MAGI2: variants seen among roughly 807,000 people sequenced by gnomAD.
The protein encoded by MAGI2 is membrane associated guanylate kinase, WW and PDZ domain containing 2.
MAGI2 carries 35 observed loss-of-function variants against 133.3 expected under a neutral mutation model. That is an observed-to-expected ratio of 0.26 (90% CI 0.20 to 0.35). MAGI2 has a LOEUF of 0.35. Among genes scored for constraint, MAGI2 ranks in the 10% least tolerant of loss-of-function variants. The pLI is 1.00. For synonymous variants in MAGI2, 729 were observed against 710.6 expected (o/e 1.03, Z -0.41); for missense variants, 1,636 against 1,863.4 (o/e 0.88, Z 2.25).
At chr7:78,239,125 A>G (rs1295755595) in intron 10 of MAGI2, among the ~76,000 whole-genome samples, 2 of 152,178 alleles carry the variant, frequency 1.3e-5, no homozygotes, top group East Asian at 3.9e-4. Context: ...TTTCTAAAGG[A>G]GAACTGTCTG....
chr7:78,329,815 C>A (rs1788985625), intron 9 of MAGI2, among the ~76,000 whole-genome samples: 1 of 152,148 alleles, frequency 6.6e-6, no homozygotes, highest in South Asian at 2.1e-4. Flanking sequence ...TGGCACCTAG[C>A]CCAATTTTAG....
intron 6 of MAGI2, among the ~76,000 whole-genome samples, chr7:78,428,049 G>GA (rs201534697): frequency 0.015 from 2,312 of 152,228 alleles, 59 homozygotes; most frequent in African/African-American, 0.051. Flanking sequence ...TTTATTCCCA[G>GA]AAAACAGGAA....
chr7:78,711,225 G>A (rs2151176195), intron 2 of MAGI2, among the ~76,000 whole-genome samples: 1 of 152,258 alleles, frequency 6.6e-6, no homozygotes, highest in South Asian at 2.1e-4. Context: ...TCTGGACTGT[G>A]CTGGCATCAG....
chr7:78,231,602 G>A (rs1049851108), intron 10 of MAGI2, among the ~76,000 whole-genome samples: 5 of 152,080 alleles, frequency 3.3e-5, no homozygotes, highest in African/African-American at 1.2e-4. Flanking sequence ...CAAATATGGC[G>A]ACTTCTTCCA....
chr7:78,233,663 T>C (rs1292173389), intron 10 of MAGI2, among the ~76,000 whole-genome samples: 2 of 152,004 alleles, frequency 1.3e-5, no homozygotes, highest in Non-Finnish European at 2.9e-5. Context: ...TCTTAAAGAA[T>C]GGGATAAATT....
chr7:78,527,151 T>C (rs1325560181), intron 3 of MAGI2, among the ~76,000 whole-genome samples: 2 of 151,972 alleles, frequency 1.3e-5, no homozygotes, highest in African/African-American at 4.8e-5. Flanking sequence ...CACAGGACAG[T>C]CACACAATTT....
At chr7:78,938,905 T>C (rs1344757293) in intron 2 of MAGI2, among the ~76,000 whole-genome samples, 1 of 152,182 alleles carries the variant, frequency 6.6e-6, no homozygotes, top group Non-Finnish European at 1.5e-5. Flanking sequence ...GTCTTTAAAA[T>C]TTTTTGGAGA....
chr7:78,714,315 T>C (rs1819497191), intron 2 of MAGI2, among the ~76,000 whole-genome samples: 1 of 152,208 alleles, frequency 6.6e-6, no homozygotes, highest in Non-Finnish European at 1.5e-5. Flanking sequence ...TGCTTTACTT[T>C]GTAAGCATTT....
intron 6 of MAGI2, among the ~76,000 whole-genome samples, chr7:78,430,830 C>G (rs564978087): frequency 6.6e-6 from 1 of 151,984 alleles, no homozygotes; most frequent in Non-Finnish European, 1.5e-5. Flanking sequence ...CAGTTAACAC[C>G]GCAAAGGGAT....
chr7:78,835,106 T>G (rs1791500541), intron 2 of MAGI2, among the ~76,000 whole-genome samples: 1 of 152,140 alleles, frequency 6.6e-6, no homozygotes, highest in Non-Finnish European at 1.5e-5. Flanking sequence ...AGAAGTGAAA[T>G]TGCTAGGTCA....
chr7:78,353,138 T>C (rs552867772), intron 7 of MAGI2, among the ~76,000 whole-genome samples: 1 of 152,354 alleles, frequency 6.6e-6, no homozygotes, highest in East Asian at 1.9e-4. Context: ...CTTTTGCTTC[T>C]AGATTGAGTG....
At chr7:79,097,229 G>C (rs1817592312) in intron 1 of MAGI2, among the ~76,000 whole-genome samples, 1 of 152,128 alleles carries the variant, frequency 6.6e-6, no homozygotes, top group African/African-American at 2.4e-5. Context: ...CTGAGACATA[G>C]ACATATCAAG....
intron 3 of MAGI2, among the ~76,000 whole-genome samples, chr7:78,559,624 G>A (rs1800208592): frequency 6.6e-6 from 1 of 152,076 alleles, no homozygotes; most frequent in South Asian, 2.1e-4. Flanking sequence ...AACCCACAGA[G>A]TAGAAAAAAT....
intron 21 of MAGI2, among the ~76,000 whole-genome samples, chr7:78,042,637 T>C (rs114130982): frequency 2.6e-5 from 4 of 152,350 alleles, no homozygotes; most frequent in South Asian, 2.1e-4. Context: ...ACCTACCTCA[T>C]AGTTGTTGTG....
intron 1 of MAGI2, among the ~76,000 whole-genome samples, chr7:79,408,709 T>C (rs181661997): frequency 9.2e-5 from 14 of 152,130 alleles, no homozygotes; most frequent in East Asian, 3.9e-4. Context: ...GTGGAAGATT[T>C]TGGATGGCGT....
chr7:78,654,800 T>C (rs192599907), intron 2 of MAGI2, among the ~76,000 whole-genome samples: 5 of 150,000 alleles, frequency 3.3e-5, no homozygotes, highest in Admixed American at 2.0e-4. Context: ...GAGATTTTAA[T>C]AACATTTGTA....
chr7:78,552,496 C>G (rs1799436597), intron 3 of MAGI2, among the ~76,000 whole-genome samples: 1 of 152,080 alleles, frequency 6.6e-6, no homozygotes, highest in African/African-American at 2.4e-5. Flanking sequence ...TTCCTTTTAA[C>G]TCAGAAATAC....
At chr7:78,916,657 G>A (rs535377929) in intron 2 of MAGI2, among the ~76,000 whole-genome samples, 1 of 152,198 alleles carries the variant, frequency 6.6e-6, no homozygotes, top group African/African-American at 2.4e-5. Context: ...AAAGGATGGA[G>A]TAAAGTCAAA....
intron 6 of MAGI2, chr7:78,484,182 C>A (rs1251353014): frequency 6.6e-6 from 1 of 151,868 alleles, no homozygotes; most frequent in Admixed American, 6.6e-5. Flanking sequence ...TTATAAAACT[C>A]ATTTAAGAAA....
Sources: gnomAD v4.1 joint callset for allele counts (sites outside exome capture counted in the v4.1 genomes callset) on GRCh38, gnomAD v4.1.1 for gene constraint, MANE v1.5 for transcripts, NCBI Gene and HGNC (gene_info 2026-07-23, HGNC 2026-07-21) for gene names.